Variants in SLCO5A1 observed in about 807,000 individuals in gnomAD.
The protein encoded by SLCO5A1 is organic anion transporter polypeptide-related protein 4.
SLCO5A1 carries 39 observed loss-of-function variants against 65.1 expected under a neutral mutation model. That is an observed-to-expected ratio of 0.60 (90% confidence interval 0.46 to 0.78). SLCO5A1 has a LOEUF of 0.78. SLCO5A1 is among the 30% of genes least tolerant of loss of function. SLCO5A1 has a pLI of 0.00. For missense variants in SLCO5A1, 1,029 were observed against 1,069.4 expected (o/e 0.96, Z 0.53); for synonymous variants, 438 against 415.7 (o/e 1.05, Z -0.65).
intron 4 of SLCO5A1, among the ~76,000 whole-genome samples, chr8:69,744,550 A>G (rs1415352431): frequency 6.6e-6 from 1 of 152,206 alleles, no homozygotes; most frequent in Non-Finnish European, 1.5e-5. Context: ...ATCAATTCTT[A>G]GGTAGCTGCA....
chr8:69,759,935 C>A (rs114177273), intron 3 of SLCO5A1, among the ~76,000 whole-genome samples: 5,275 of 152,256 alleles, frequency 0.035, 192 homozygotes, highest in African/African-American at 0.087. Flanking sequence ...GCATGAGCCA[C>A]CTTACCCGGC....
At chr8:69,810,467 A>G (rs747420240) in intron 2 of SLCO5A1, among the ~76,000 whole-genome samples, 2 of 152,230 alleles carry the variant, frequency 1.3e-5, no homozygotes, top group Non-Finnish European at 2.9e-5. Context: ...CAGTAAAGAC[A>G]GAAGAAAGCC....
At chr8:69,691,742 G>A (rs1445166538) in intron 6 of SLCO5A1, among the ~76,000 whole-genome samples, 1 of 152,192 alleles carries the variant, frequency 6.6e-6, no homozygotes, top group Non-Finnish European at 1.5e-5. Flanking sequence ...TCTGAGAAAT[G>A]CATCATCAGG....
chr8:69,737,609 G>A (rs1816612635), intron 5 of SLCO5A1, among the ~76,000 whole-genome samples: 1 of 152,128 alleles, frequency 6.6e-6, no homozygotes, highest in Non-Finnish European at 1.5e-5. Context: ...CACATCTCCA[G>A]TAATTCAAAT....
intron 2 of SLCO5A1, among the ~76,000 whole-genome samples, chr8:69,793,749 G>A (rs1414944620): frequency 2.6e-5 from 4 of 151,414 alleles, no homozygotes; most frequent in Admixed American, 6.6e-5. Context: ...CTGCACTCCA[G>A]CCTGGGTGAC....
chr8:69,821,197 T>TA (rs34078991), intron 2 of SLCO5A1, among the ~76,000 whole-genome samples: 59,918 of 148,090 alleles, frequency 0.4, 11,929 homozygotes, highest in East Asian at 0.55. Flanking sequence ...GAAGAAATGT[T>TA]AAAAAAAAAA....
intron 2 of SLCO5A1, among the ~76,000 whole-genome samples, chr8:69,831,269 A>G (rs909970727): frequency 6.6e-6 from 1 of 151,892 alleles, no homozygotes; most frequent in Non-Finnish European, 1.5e-5. Flanking sequence ...TAAAAAGAAA[A>G]AAAAAAAAAA....
At chr8:69,756,787 A>C (rs1221206317) in intron 3 of SLCO5A1, among the ~76,000 whole-genome samples, 1 of 152,248 alleles carries the variant, frequency 6.6e-6, no homozygotes, top group Non-Finnish European at 1.5e-5. Flanking sequence ...GTAGTATTAG[A>C]GCCCTGGGCT....
At chr8:69,676,721 GA>G in intron 8 of SLCO5A1, 48 bp from the exon 9 acceptor site, 2 of 1,530,364 alleles carry the variant, frequency 1.3e-6, no homozygotes, top group Non-Finnish European at 1.8e-6. Flanking sequence ...GTAGCCCCAA[GA>G]AAATGAATGT....
chr8:69,729,612 A>G (rs1346827497), intron 5 of SLCO5A1, among the ~76,000 whole-genome samples: 3 of 152,320 alleles, frequency 2.0e-5, no homozygotes, highest in Non-Finnish European at 4.4e-5. Flanking sequence ...AAAGAATCAT[A>G]TAAGAAATTA....
intron 2 of SLCO5A1, among the ~76,000 whole-genome samples, chr8:69,812,431 T>C (rs894824111): frequency 6.6e-6 from 1 of 152,226 alleles, no homozygotes; most frequent in Non-Finnish European, 1.5e-5. Flanking sequence ...AAATTGCACA[T>C]TAGTCATCTA....
At chr8:69,728,360 T>C (rs1298765330) in intron 5 of SLCO5A1, among the ~76,000 whole-genome samples, 1 of 152,212 alleles carries the variant, frequency 6.6e-6, no homozygotes, top group African/African-American at 2.4e-5. Flanking sequence ...GAATGTACTT[T>C]GTTTATAGTT....
chr8:69,701,553 AC>A (rs773173511), intron 6 of SLCO5A1, among the ~76,000 whole-genome samples: 15 of 152,144 alleles, frequency 9.9e-5, no homozygotes, highest in Non-Finnish European at 2.1e-4. Context: ...CTTTATCCTA[AC>A]CCAGACATTC....
chr8:69,688,229 G>A (rs1814084614), intron 6 of SLCO5A1, among the ~76,000 whole-genome samples: 2 of 152,128 alleles, frequency 1.3e-5, no homozygotes, highest in East Asian at 3.9e-4. Flanking sequence ...CCAAAAACAT[G>A]TATGTCTATG....
At chr8:69,793,163 T>C (rs1372091279) in intron 2 of SLCO5A1, among the ~76,000 whole-genome samples, 1 of 152,052 alleles carries the variant, frequency 6.6e-6, no homozygotes, top group Non-Finnish European at 1.5e-5. Flanking sequence ...TGTGTGTTTT[T>C]AGTAGAAACG....
At chr8:69,790,974 A>G (rs1452196853) in intron 2 of SLCO5A1, among the ~76,000 whole-genome samples, 1 of 152,200 alleles carries the variant, frequency 6.6e-6, no homozygotes, top group African/African-American at 2.4e-5. Context: ...CAGGACTGCC[A>G]TTGTACAAAC....
chr8:69,754,157 T>C (rs936333009), intron 4 of SLCO5A1, among the ~76,000 whole-genome samples: 1 of 152,074 alleles, frequency 6.6e-6, no homozygotes, highest in Non-Finnish European at 1.5e-5. Context: ...GTTGGGCTGG[T>C]GCACATGGGA....
intron 6 of SLCO5A1, 108 bp downstream of exon 6, chr8:69,704,923 G>T: frequency 2.0e-6 from 2 of 1,015,748 alleles, no homozygotes; most frequent in South Asian, 1.4e-5. Context: ...CACACACAGG[G>T]AGAACAGCTT....
At chr8:69,726,049 A>G (rs758211531) in intron 5 of SLCO5A1, among the ~76,000 whole-genome samples, 1 of 152,250 alleles carries the variant, frequency 6.6e-6, no homozygotes, top group Non-Finnish European at 1.5e-5. Context: ...ATATATCCAC[A>G]TAAGTAGGTC....
Sources: gnomAD v4.1 joint callset for allele counts (sites outside exome capture counted in the v4.1 genomes callset) on GRCh38, gnomAD v4.1.1 for gene constraint, MANE v1.5 for transcripts, NCBI Gene and HGNC (gene_info 2026-07-23, HGNC 2026-07-21) for gene names.